Variants in NRG3 observed in about 807,000 individuals in gnomAD.
NRG3 encodes the protein pro-neuregulin-3, membrane-bound isoform.
A neutral mutation model predicts 66.9 loss-of-function variants in NRG3; 31 were observed. The observed-to-expected ratio is 0.46, with a 90% CI of 0.35 to 0.63. The LOEUF is 0.63. Among genes scored for constraint, NRG3 ranks in the 20% least tolerant of loss-of-function variants. The probability of loss-of-function intolerance (pLI) is 0.00; values close to 1 mark genes in which losing one functional copy is unlikely to be tolerated. For missense variants in NRG3, 910 were observed against 878.9 expected (o/e 1.04, Z -0.45); for synonymous variants, 393 against 359.4 (o/e 1.09, Z -1.06).
intron 4 of NRG3, among the ~76,000 whole-genome samples, chr10:82,928,771 G>A (rs777569320): frequency 1.3e-5 from 2 of 152,106 alleles, no homozygotes; most frequent in African/African-American, 2.4e-5. Context: ...ATTTACAAAA[G>A]CAGCTGTGTT....
At chr10:82,674,647 G>T (rs2053536284) in intron 2 of NRG3, among the ~76,000 whole-genome samples, 1 of 152,020 alleles carries the variant, frequency 6.6e-6, no homozygotes, top group African/African-American at 2.4e-5. Flanking sequence ...CTCTATATCT[G>T]ATAACATCGG....
At chr10:82,244,939 G>T (rs1224124964) in intron 1 of NRG3, among the ~76,000 whole-genome samples, 1 of 152,080 alleles carries the variant, frequency 6.6e-6, no homozygotes, top group African/African-American at 2.4e-5. Context: ...TCACCTTGTT[G>T]CCCAGGCTGG....
chr10:82,799,121 A>T (rs1306112571), intron 3 of NRG3, among the ~76,000 whole-genome samples: 1 of 152,232 alleles, frequency 6.6e-6, no homozygotes. Flanking sequence ...GATAATTTCC[A>T]AGAACAGAGT....
At chr10:82,103,426 G>A (rs377433585) in intron 1 of NRG3, among the ~76,000 whole-genome samples, 5 of 152,106 alleles carry the variant, frequency 3.3e-5, no homozygotes, top group African/African-American at 1.2e-4. Flanking sequence ...GTCAACTTAG[G>A]TTTGGACTGT....
intron 2 of NRG3, among the ~76,000 whole-genome samples, chr10:82,380,434 G>C (rs1165289591): frequency 2.0e-5 from 3 of 152,110 alleles, no homozygotes; most frequent in Non-Finnish European, 4.4e-5. Flanking sequence ...GCATCATTGT[G>C]AAAGATAAAG....
chr10:82,354,013 A>C (rs1410410582), intron 1 of NRG3, among the ~76,000 whole-genome samples: 2 of 134,886 alleles, frequency 1.5e-5, no homozygotes, highest in African/African-American at 2.9e-5. Context: ...TCACTATAAC[A>C]CTTTTTTTTT....
chr10:82,010,135 A>G (rs2061520545), intron 1 of NRG3, among the ~76,000 whole-genome samples: 1 of 152,206 alleles, frequency 6.6e-6, no homozygotes, highest in Non-Finnish European at 1.5e-5. Flanking sequence ...CGGTGAAGGA[A>G]TTTCCAATAA....
intron 1 of NRG3, among the ~76,000 whole-genome samples, chr10:82,040,408 TATATGTA>T (rs11278895): frequency 0.64 from 95,986 of 151,102 alleles, 32,073 homozygotes; most frequent in South Asian, 0.87. Flanking sequence ...ATATACAATA[TATATGTA>T]ATATGTAATC....
chr10:82,562,213 T>C (rs2133025647), intron 2 of NRG3, among the ~76,000 whole-genome samples: 1 of 152,264 alleles, frequency 6.6e-6, no homozygotes, highest in South Asian at 2.1e-4. Context: ...ACAATCACCA[T>C]CATCTTCGTC....
At chr10:82,778,910 G>A (rs2060012131) in intron 3 of NRG3, among the ~76,000 whole-genome samples, 1 of 152,090 alleles carries the variant, frequency 6.6e-6, no homozygotes, top group African/African-American at 2.4e-5. Context: ...ATGCGGGGGA[G>A]GGATTCTCTC....
intron 1 of NRG3, among the ~76,000 whole-genome samples, chr10:82,010,942 A>C (rs1321444990): frequency 6.6e-6 from 1 of 152,154 alleles, no homozygotes; most frequent in Non-Finnish European, 1.5e-5. Context: ...TTTCAAAACA[A>C]AACTTGGTTT....
intron 1 of NRG3, among the ~76,000 whole-genome samples, chr10:81,947,090 T>G (rs2133151295): frequency 6.6e-6 from 1 of 152,256 alleles, no homozygotes; most frequent in East Asian, 1.9e-4. Flanking sequence ...GAAGGACACT[T>G]TTTTTGTCTC....
intron 1 of NRG3, among the ~76,000 whole-genome samples, chr10:81,913,505 C>T (rs935215666): frequency 1.3e-5 from 2 of 151,834 alleles, no homozygotes; most frequent in Non-Finnish European, 2.9e-5. Context: ...CTCACTGCAA[C>T]CTCTGCCTCC....
chr10:81,937,325 T>C (rs1847968303), intron 1 of NRG3, among the ~76,000 whole-genome samples: 1 of 152,052 alleles, frequency 6.6e-6, no homozygotes, highest in South Asian at 2.1e-4. Context: ...ATGGGTAATT[T>C]ATTTATTTTT....
In NRG3 at chr10:82,652,431, G is replaced by A. The variant is rs113226830; in HGVS notation, c.954-86146G>A. ...AAGGGGAGCTGAAAAGGGGACAGACGAGATGGGAAGATAATCTTCCCCTGA... is the reference window on the plus strand; with the variant it reads ...AAGGGGAGCTGAAAAGGGGACAGACAAGATGGGAAGATAATCTTCCCCTGA... On this transcript the variant is annotated intron_variant, in intron 2 of 8. Coordinates refer to ENST00000372141, the MANE Select transcript of NRG3 (RefSeq NM_001010848.4). Among the ~76,000 whole-genome samples, 692 of 152,248 alleles carry A rather than the reference G, an allele frequency of 4.5e-3. 5 individuals are homozygous for A. Among genetic ancestry groups the A allele is most frequent in the Admixed American group, 8.8e-3 (134 of 15,292 alleles).
At chr10:82,969,825 C>G (rs758407093) in intron 6 of NRG3, among the ~76,000 whole-genome samples, 1 of 152,174 alleles carries the variant, frequency 6.6e-6, no homozygotes, top group Non-Finnish European at 1.5e-5. Flanking sequence ...GAAACACACA[C>G]ATGCAAATGC....
At chr10:82,861,496 C>T (rs1348474191) in intron 3 of NRG3, among the ~76,000 whole-genome samples, 1 of 152,164 alleles carries the variant, frequency 6.6e-6, no homozygotes, top group Non-Finnish European at 1.5e-5. Flanking sequence ...TGGTCATAAA[C>T]ATATTGAGGT....
chr10:82,592,966 G>T (rs2133325492), intron 2 of NRG3, among the ~76,000 whole-genome samples: 1 of 152,268 alleles, frequency 6.6e-6, no homozygotes, highest in African/African-American at 2.4e-5. Flanking sequence ...TACTTGAAGA[G>T]CTTATGGCCC....
intron 1 of NRG3, among the ~76,000 whole-genome samples, chr10:82,187,046 G>A (rs566780077): frequency 6.6e-6 from 1 of 152,150 alleles, no homozygotes; most frequent in African/African-American, 2.4e-5. Flanking sequence ...AAAACTGGAG[G>A]AGACTTTTTG....
Sources: gnomAD v4.1 joint callset for allele counts (sites outside exome capture counted in the v4.1 genomes callset) on GRCh38, gnomAD v4.1.1 for gene constraint, MANE v1.5 for transcripts, NCBI Gene and HGNC (gene_info 2026-07-23, HGNC 2026-07-21) for gene names.